Variants in EYA1 observed in about 807,000 individuals in gnomAD.
EYA1 encodes the protein protein phosphatase EYA1.
A neutral mutation model predicts 82.0 loss-of-function variants in EYA1; 16 were observed. The observed-to-expected ratio is 0.20, with a 90% CI of 0.13 to 0.30. The LOEUF (loss-of-function observed/expected upper bound fraction) is 0.30, where lower values mean the gene tolerates loss of function less well. Among genes scored for constraint, EYA1 ranks in the 10% least tolerant of loss-of-function variants. The pLI is 1.00. For missense variants in EYA1, 633 were observed against 730.7 expected (o/e 0.87, Z 1.54); for synonymous variants, 261 against 264.4 (o/e 0.99, Z 0.12).
At chr8:71,475,274 A>G (rs1809569142) in intron 2 of EYA1, among the ~76,000 whole-genome samples, 1 of 152,228 alleles carries the variant, frequency 6.6e-6, no homozygotes, top group South Asian at 2.1e-4. Context: ...ATATACGTGC[A>G]TGAAAATGTT....
chr8:71,207,585 T>C, intron 17 of EYA1, among the ~76,000 whole-genome samples: 1 of 152,176 alleles, frequency 6.6e-6, no homozygotes, highest in East Asian at 1.9e-4. Context: ...GGAGGACTCA[T>C]TTGGTCAAAA....
intron 17 of EYA1, among the ~76,000 whole-genome samples, chr8:71,206,094 T>A (rs1364383289): frequency 6.6e-6 from 1 of 152,222 alleles, no homozygotes; most frequent in African/African-American, 2.4e-5. Flanking sequence ...ACTTATATAG[T>A]TATATCTAAC....
chr8:71,209,624 C>G (rs1406761031), intron 17 of EYA1, among the ~76,000 whole-genome samples: 1 of 152,158 alleles, frequency 6.6e-6, no homozygotes, highest in Non-Finnish European at 1.5e-5. Context: ...ATGTATCATA[C>G]TTAGGCTCAG....
At chr8:71,369,160 A>G (rs10097030) in intron 2 of EYA1, among the ~76,000 whole-genome samples, 84,228 of 148,566 alleles carry the variant, frequency 0.57, 25,557 homozygotes, top group African/African-American at 0.8. Context: ...CCCAGATCAC[A>G]TCACTGCTCT....
At chr8:71,510,690 G>T (rs1054932990) in intron 2 of EYA1, among the ~76,000 whole-genome samples, 1 of 152,170 alleles carries the variant, frequency 6.6e-6, no homozygotes, top group African/African-American at 2.4e-5. Flanking sequence ...CACATAGGGG[G>T]TTATTACAGT....
At chr8:71,542,606 A>G (rs2129292684) in intron 1 of EYA1, among the ~76,000 whole-genome samples, 1 of 152,270 alleles carries the variant, frequency 6.6e-6, no homozygotes. Flanking sequence ...GTCAAATGGT[A>G]TTTCTGTTTT....
chr8:71,454,469 C>A (rs974487148), intron 2 of EYA1, among the ~76,000 whole-genome samples: 34 of 152,186 alleles, frequency 2.2e-4, no homozygotes, highest in African/African-American at 8.2e-4. Context: ...GTTATACATT[C>A]TTCTCAGCAC....
chr8:71,262,388 T>C (rs188183069), intron 11 of EYA1, among the ~76,000 whole-genome samples: 12 of 152,216 alleles, frequency 7.9e-5, no homozygotes, highest in Non-Finnish European at 1.5e-4. Context: ...CTGCCTGGAA[T>C]AACAAAGTCT....
intron 12 of EYA1, among the ~76,000 whole-genome samples, chr8:71,243,245 T>C (rs1812701091): frequency 1.3e-5 from 2 of 152,176 alleles, no homozygotes; most frequent in African/African-American, 2.4e-5. Context: ...AAATGGAAAC[T>C]TAGGAAAGGC....
chr8:71,460,440 G>A (rs2129188759), intron 2 of EYA1, among the ~76,000 whole-genome samples: 1 of 152,272 alleles, frequency 6.6e-6, no homozygotes, highest in South Asian at 2.1e-4. Flanking sequence ...GTCTGGAGTG[G>A]GGAGAATATG....
intron 11 of EYA1, among the ~76,000 whole-genome samples, chr8:71,255,618 T>C (rs1814316349): frequency 6.6e-6 from 1 of 152,054 alleles, no homozygotes; most frequent in Non-Finnish European, 1.5e-5. Flanking sequence ...AAAACCTAAA[T>C]GAAAGACCTA....
At chr8:71,440,533 G>T (rs982295265) in intron 2 of EYA1, among the ~76,000 whole-genome samples, 2 of 152,126 alleles carry the variant, frequency 1.3e-5, no homozygotes, top group African/African-American at 4.8e-5. Context: ...ATGTCAGGAT[G>T]GCCCATTTTT....
intron 2 of EYA1, among the ~76,000 whole-genome samples, chr8:71,482,648 A>G (rs1280982652): frequency 1.3e-5 from 2 of 152,246 alleles, no homozygotes; most frequent in African/African-American, 4.8e-5. Flanking sequence ...ATGTTCAGCA[A>G]CAGTAAAGAA....
At chr8:71,313,171 A>AT (rs1031314819) in intron 7 of EYA1, among the ~76,000 whole-genome samples, 1 of 151,764 alleles carries the variant, frequency 6.6e-6, no homozygotes, top group African/African-American at 2.4e-5. Flanking sequence ...CTCTCTCCTG[A>AT]TTTTTTTCTT....
At chr8:71,361,364 T>C (rs1240527395) in intron 1 of EYA1, among the ~76,000 whole-genome samples, 1 of 152,246 alleles carries the variant, frequency 6.6e-6, no homozygotes, top group Non-Finnish European at 1.5e-5. Flanking sequence ...GCATTACATT[T>C]ATCTAGAGCA....
intron 17 of EYA1, among the ~76,000 whole-genome samples, chr8:71,202,412 A>G (rs868719498): frequency 6.6e-5 from 10 of 152,120 alleles, no homozygotes; most frequent in Admixed American, 1.3e-4. Flanking sequence ...ACCATACTCA[A>G]CACTATCGGG....
At chr8:71,393,731 G>C (rs1288971209) in intron 2 of EYA1, among the ~76,000 whole-genome samples, 1 of 152,142 alleles carries the variant, frequency 6.6e-6, no homozygotes, top group Non-Finnish European at 1.5e-5. Context: ...GTCTGCTATT[G>C]TGAATAGTGC....
intron 2 of EYA1, among the ~76,000 whole-genome samples, chr8:71,449,487 G>A (rs1275263217): frequency 6.6e-6 from 1 of 152,268 alleles, no homozygotes; most frequent in East Asian, 1.9e-4. Context: ...CTTTTTTCCT[G>A]AGCAGTAGAT....
At chr8:71,415,829 G>T (rs1473116025) in intron 2 of EYA1, among the ~76,000 whole-genome samples, 1 of 152,186 alleles carries the variant, frequency 6.6e-6, no homozygotes, top group African/African-American at 2.4e-5. Context: ...GCCAGATCCA[G>T]CATAAACAAA....
Sources: gnomAD v4.1 joint callset for allele counts (sites outside exome capture counted in the v4.1 genomes callset) on GRCh38, gnomAD v4.1.1 for gene constraint, MANE v1.5 for transcripts, NCBI Gene and HGNC (gene_info 2026-07-23, HGNC 2026-07-21) for gene names.